SLCO3A1: variants seen among roughly 807,000 people sequenced by gnomAD.
SLCO3A1 encodes the protein solute carrier organic anion transporter family member 3A1.
SLCO3A1 carries 27 observed loss-of-function variants against 63.1 expected under a neutral mutation model. The ratio of observed to expected loss-of-function variants is 0.43; its 90% CI spans 0.32 to 0.59. SLCO3A1 has a LOEUF of 0.59. Among genes scored for constraint, SLCO3A1 ranks in the 20% least tolerant of loss-of-function variants. SLCO3A1 has a pLI of 0.09. For missense variants in SLCO3A1, 773 were observed against 945.8 expected (o/e 0.82, Z 2.40); for synonymous variants, 473 against 409.9 (o/e 1.15, Z -1.86).
At chr15:92,171,847 C>T (rs751921675) in exon 11 of SLCO3A1, 5 of 1,551,376 alleles carry the variant, frequency 3.2e-6, no homozygotes, top group Middle Eastern at 1.7e-4. Flanking sequence ...CAGAAGACTC[C>T]TTTGTGAGAA....
At chr15:92,011,156 C>T (rs550656893) in intron 2 of SLCO3A1, among the ~76,000 whole-genome samples, 10 of 152,320 alleles carry the variant, frequency 6.6e-5, no homozygotes, top group African/African-American at 9.6e-5. Flanking sequence ...TGGAATGCTC[C>T]GGGCAGGGTC....
chr15:92,078,089 C>T (rs531923041), intron 2 of SLCO3A1, among the ~76,000 whole-genome samples: 2 of 152,268 alleles, frequency 1.3e-5, no homozygotes, highest in South Asian at 4.2e-4. Flanking sequence ...TTGTTGTTGC[C>T]ATTATTCATG....
At chr15:91,914,185 T>C (rs1898575471) in intron 1 of SLCO3A1, among the ~76,000 whole-genome samples, 1 of 152,190 alleles carries the variant, frequency 6.6e-6, no homozygotes, top group South Asian at 2.1e-4. Flanking sequence ...TTGGTCAAGG[T>C]CAGCCAGAGT....
intron 1 of SLCO3A1, among the ~76,000 whole-genome samples, chr15:91,891,336 G>A (rs1897865591): frequency 6.6e-6 from 1 of 152,138 alleles, no homozygotes; most frequent in African/African-American, 2.4e-5. Context: ...CTTTCTTCCA[G>A]GGCAGCCTGC....
intron 1 of SLCO3A1, among the ~76,000 whole-genome samples, chr15:91,880,428 GTTCTTTGCAGTTTCATCACT>G (rs1168406236): frequency 3.4e-5 from 1 of 29,590 alleles, no homozygotes; most frequent in Non-Finnish European, 5.5e-5. Flanking sequence ...TGTGTGTGTA[GTTCTTTGCAGTTTCATCACT>G]TGTGTGGATT....
downstream of SLCO3A1, among the ~76,000 whole-genome samples, chr15:92,166,189 G>A (rs1255955431): frequency 6.6e-6 from 1 of 152,122 alleles, no homozygotes; most frequent in Non-Finnish European, 1.5e-5. Flanking sequence ...GGGAACGCTG[G>A]CTCTGAGGCA....
Position 92,152,035 on chromosome 15 carries a change from A to G in SLCO3A1, c.1753+1021A>G, listed in dbSNP as rs540120901. 4.6e-5 allele frequency among the ~76,000 whole-genome samples: 7 copies of G among 152,346 alleles called. No homozygotes were observed. In the East Asian group the frequency reaches 1.2e-3, roughly 25 times the overall value. Reference sequence around the variant, plus strand: ...AGAAAAATATAGACTTAGAAAGGGCATGTGATGGGGGAAGGGGAAAAACAG... The same window carrying G: ...AGAAAAATATAGACTTAGAAAGGGCGTGTGATGGGGGAAGGGGAAAAACAG... On this transcript the variant is annotated intron_variant, in intron 9 of 9. Coordinates refer to ENST00000318445, the MANE Select transcript of SLCO3A1 (RefSeq NM_013272.4).
intron 2 of SLCO3A1, among the ~76,000 whole-genome samples, chr15:92,023,131 C>T (rs892862557): frequency 6.6e-6 from 1 of 152,200 alleles, no homozygotes; most frequent in African/African-American, 2.4e-5. Context: ...TTAGCTTCTT[C>T]AAGTGTGGCA....
rs796386299 is a variant in SLCO3A1 at position 91,971,394 on chromosome 15, C to CAAAAAAAAAAAAA, written c.646+54940_646+54952dup. Among the ~76,000 whole-genome samples, 172 of 39,332 alleles carry CAAAAAAAAAAAAA rather than the reference C, an allele frequency of 4.4e-3. 19 individuals carry two copies. Among genetic ancestry groups the CAAAAAAAAAAAAA allele is most frequent in the African/African-American group, 8.2e-3 (97 of 11,800 alleles). The allele number at this position is 39,332 out of a possible 152,430, so 25.8% of individuals were successfully genotyped here. A position where few individuals can be genotyped will look rare whatever the true frequency, so the allele number is the denominator to read the frequency against. On this transcript the variant is annotated intron_variant, in intron 2 of 9. Transcript: ENST00000318445. Reference sequence around the variant, plus strand: ...TGGGTGACAGAGCGAGACTCCATCTCAAAAAAAAAAAAAAAAGCAACCTCT... The same window carrying CAAAAAAAAAAAAA: ...TGGGTGACAGAGCGAGACTCCATCTCAAAAAAAAAAAAAAAAAAAAAAAAAAAAAGCAACCTCT...
rs1038247506 is a variant in SLCO3A1 at position 92,163,189 on chromosome 15, TAAAAAA to T, written c.*56_*61del. 9 of 1,413,990 alleles carry T rather than the reference TAAAAAA, an allele frequency of 6.4e-6. No homozygotes were observed. The highest frequency in any genetic ancestry group is 2.7e-5 in the Admixed American group (1 of 36,852). The allele number at this position is 1,413,990 out of a possible 1,614,324, so 87.6% of individuals were successfully genotyped here. A position where few individuals can be genotyped will look rare whatever the true frequency, so the allele number is the denominator to read the frequency against. The stretch of plus-strand genomic sequence containing the variant: ...AGTAATCCAAGGGTCATTTTTTTCT[TAAAAAA>T]AGAAAAAAAGGTTCCAAAAAAAACC... On this transcript the variant is annotated 3_prime_UTR_variant, in exon 10 of 10. Coordinates refer to ENST00000318445, the MANE Select transcript of SLCO3A1 (RefSeq NM_013272.4).
chr15:91,904,589 A>G (rs1326261792), intron 1 of SLCO3A1, among the ~76,000 whole-genome samples: 1 of 152,222 alleles, frequency 6.6e-6, no homozygotes, highest in Non-Finnish European at 1.5e-5. Context: ...CCTGAGATAC[A>G]CTAAAATAGG....
At chr15:91,937,319 T>C (rs1899449036) in intron 2 of SLCO3A1, among the ~76,000 whole-genome samples, 1 of 152,138 alleles carries the variant, frequency 6.6e-6, no homozygotes, top group Non-Finnish European at 1.5e-5. Context: ...CCAGGCCCCA[T>C]GGGGAACAAG....
chr15:91,926,558 C>CGCGTGTGTGTGTGT (rs1555450154), intron 2 of SLCO3A1, among the ~76,000 whole-genome samples: 1 of 126,042 alleles, frequency 7.9e-6, no homozygotes, highest in African/African-American at 3.4e-5. Context: ...CCTGCCAAGC[C>CGCGTGTGTGTGTGT]GTGTGTGTGT....
rs556078855 is a variant in SLCO3A1, at chr15:91,949,831, T to TAATA, written c.646+33387_646+33390dup. Among the ~76,000 whole-genome samples the TAATA allele has an allele frequency of 4.7e-3, 719 of 151,944 alleles. 2 individuals are homozygous for TAATA. The highest frequency in any genetic ancestry group is 7.4e-3 in the Non-Finnish European group (504 of 67,960). On this transcript the variant is annotated intron_variant, in intron 2 of 9. Transcript: ENST00000318445. Reference sequence around the variant, plus strand: ...GAACAATATAGTGAGACCCCGGCTTTAATAAATAAATAAATAAGCAAGCAA... The same window carrying TAATA: ...GAACAATATAGTGAGACCCCGGCTTTAATAAATAAATAAATAAATAAGCAAGCAA...
At chr15:91,904,898 C>A (rs950960663) in intron 1 of SLCO3A1, among the ~76,000 whole-genome samples, 1 of 152,082 alleles carries the variant, frequency 6.6e-6, no homozygotes, top group Admixed American at 6.6e-5. Flanking sequence ...TTGATAGTTA[C>A]AATTTAACCC....
intron 1 of SLCO3A1, among the ~76,000 whole-genome samples, chr15:91,869,943 C>T (rs1171896194): frequency 6.6e-6 from 1 of 152,120 alleles, no homozygotes. Flanking sequence ...CCTGGAGGAG[C>T]AGAGAATATG....
chr15:92,064,270 GT>G (rs1221961263), intron 2 of SLCO3A1, among the ~76,000 whole-genome samples: 1 of 152,170 alleles, frequency 6.6e-6, no homozygotes, highest in African/African-American at 2.4e-5. Context: ...TCTTTTGACT[GT>G]TTTTAAATCC....
At position 91,942,543 on chromosome 15, in the gene SLCO3A1, T is replaced by C. The variant is rs1597142177; in HGVS notation, c.646+26085T>C. ...TGCCCAGGCTCACTGGTTTTCAAAC[T>C]TTGTTTTGCAACAGAACTCTGCTGG... On this transcript the variant is annotated intron_variant, in intron 2 of 9. Coordinates refer to ENST00000318445, the MANE Select transcript of SLCO3A1 (RefSeq NM_013272.4). The surrounding 1 kb of genome is among the most constrained non-coding windows in gnomAD (Gnocchi z 4.1). Among the ~76,000 whole-genome samples, 1 of 152,210 alleles carries C rather than the reference T, an allele frequency of 6.6e-6. No individual in the cohort carries two copies. The highest frequency in any genetic ancestry group is 1.5e-5 in the Non-Finnish European group (1 of 68,044).
In SLCO3A1 at chr15:92,047,581, T is replaced by TA. The variant is rs1157716862; in HGVS notation, c.647-47298dup. 1.3e-3 allele frequency among the ~76,000 whole-genome samples: 11 copies of TA among 8,570 alleles called. 2 individuals are homozygous for TA. Among genetic ancestry groups the TA allele is most frequent in the South Asian group, 8.8e-3 (2 of 228 alleles). The allele number at this position is 8,570 out of a possible 152,430, so 5.6% of individuals were successfully genotyped here. On this transcript the variant is annotated intron_variant, in intron 2 of 9. Coordinates refer to ENST00000318445, the MANE Select transcript of SLCO3A1 (RefSeq NM_013272.4). The stretch of plus-strand genomic sequence containing the variant: ...ATAAATATATATATAAATATATATA[T>TA]AATATATATATAATATATAATATAT...
Sources: gnomAD v4.1 joint callset for allele counts (sites outside exome capture counted in the v4.1 genomes callset) on GRCh38, gnomAD v4.1.1 for gene constraint, Gnocchi (gnomAD v3.1) non-coding constraint, MANE v1.5 for transcripts, NCBI Gene and HGNC (gene_info 2026-07-23, HGNC 2026-07-21) for gene names.